Variants in KCNQ1 observed in about 807,000 individuals in gnomAD.
KCNQ1 encodes potassium voltage-gated channel subfamily Q member 1, also known as potassium voltage-gated channel subfamily KQT member 1.
KCNQ1 carries 49 observed loss-of-function variants against 72.4 expected under a neutral mutation model. The observed-to-expected ratio is 0.68, with a 90% CI of 0.54 to 0.86. The LOEUF is 0.86. KCNQ1 is among the 40% of genes least tolerant of loss of function. KCNQ1 has a pLI of 0.00. For synonymous variants in KCNQ1, 450 were observed against 412.6 expected (o/e 1.09, Z -1.10); for missense variants, 790 against 945.1 (o/e 0.84, Z 2.15).
rs1218523753 is a variant in KCNQ1, at chr11:2,677,145, CTG to C, written c.1514+15066_1514+15067del. 1 of 398,472 alleles carries C rather than the reference CTG, an allele frequency of 2.5e-6. No homozygotes were observed. The highest frequency in any genetic ancestry group is 4.4e-6 in the Non-Finnish European group (1 of 226,068). 24.7% of individuals were successfully genotyped at this position (398,472 alleles called of 1,614,324 possible). A position where few individuals can be genotyped will look rare whatever the true frequency, so the allele number is the denominator to read the frequency against. On this transcript the variant is annotated intron_variant, in intron 11 of 15. Transcript: ENST00000155840. The surrounding 1 kb of genome is among the most constrained non-coding windows in gnomAD (Gnocchi z 4.5). The stretch of plus-strand genomic sequence containing the variant: ...CTGAAACATCCCTCCCTATTGAACA[CTG>C]TTGTTTCTCCCTATCCATCTTATCC...
At position 2,682,980 on chromosome 11, in the gene KCNQ1, C is replaced by G. The variant is rs1013467172; in HGVS notation, c.1514+20899C>G. The G allele has an allele frequency of 2.8e-5, 11 of 398,640 alleles. No individual in the cohort carries two copies. In the East Asian group the frequency reaches 3.9e-4, roughly 14 times the overall value. The allele number at this position is 398,640 out of a possible 1,614,324, so 24.7% of individuals were successfully genotyped here. On this transcript the variant is annotated intron_variant, in intron 11 of 15. Transcript: ENST00000155840. The surrounding 1 kb of genome is among the most constrained non-coding windows in gnomAD (Gnocchi z 5.8). ...CCTTCTGCCACCCAGACTGTGCATT[C>G]AGACATCTCCCTTGTGCTGTGCAGC...
chr11:2,847,324 T>C (rs1251666326), intron 15 of KCNQ1, among the ~76,000 whole-genome samples: 2 of 152,220 alleles, frequency 1.3e-5, no homozygotes, highest in African/African-American at 4.8e-5. Context: ...CCAGCCTTTC[T>C]TGACCCTTAA....
chr11:2,618,829 T>C (rs1418683533), intron 10 of KCNQ1: 4 of 398,232 alleles, frequency 1.0e-5, no homozygotes, highest in Non-Finnish European at 1.8e-5. Context: ...TATCTTTCCA[T>C]TTATTTGTAT....
intron 10 of KCNQ1, chr11:2,609,278 CATTG>C (rs1158816211): frequency 5.0e-6 from 2 of 398,124 alleles, no homozygotes; most frequent in East Asian, 3.6e-5. Context: ...TTCTTTCACC[CATTG>C]ATTATTTAAG....
At chr11:2,744,832 A>T (rs117063362) in intron 11 of KCNQ1, among the ~76,000 whole-genome samples, 1,855 of 152,188 alleles carry the variant, frequency 0.012, 74 homozygotes, top group East Asian at 0.1. Flanking sequence ...TTGCATTCGG[A>T]AGAATCCAGA....
At position 2,538,480 on chromosome 11, in the gene KCNQ1, G is replaced by A. The variant is rs1036548659; in HGVS notation, c.477+10462G>A. Among the ~76,000 whole-genome samples, 2 of 152,326 alleles carry A rather than the reference G, an allele frequency of 1.3e-5. No individual in the cohort carries two copies. The highest frequency in any genetic ancestry group is 4.1e-4 in the South Asian group (2 of 4,830). On this transcript the variant is annotated intron_variant, in intron 2 of 15. Coordinates refer to ENST00000155840, the MANE Select transcript of KCNQ1 (RefSeq NM_000218.3). This position sits in a 1 kb window ranked among gnomAD's most constrained non-coding sequence, Gnocchi z 6.7. ...CAGCCAGGTCCCCTGTCCCAGGACC[G>A]CGGTTGACAGGGTTTGGATTGGCTG...
chr11:2,776,612 G>A (rs1027815247), intron 13 of KCNQ1, among the ~76,000 whole-genome samples: 1 of 152,198 alleles, frequency 6.6e-6, no homozygotes, highest in Admixed American at 6.5e-5. Context: ...CCTCCGAGAT[G>A]GGCTCGCCTG....
In KCNQ1 at chr11:2,507,525, T is replaced by TGCTG. The variant is rs1197303495; in HGVS notation, c.387-20401_387-20398dup. The stretch of plus-strand genomic sequence containing the variant: ...CAGCGGGAGGAAGAGAAAAGGATGC[T>TGCTG]GCTGGGACCCCTCGCACCTGGGAGG... On this transcript the variant is annotated intron_variant, in intron 1 of 15. Coordinates refer to ENST00000155840, the MANE Select transcript of KCNQ1 (RefSeq NM_000218.3). The surrounding 1 kb of genome is among the most constrained non-coding windows in gnomAD (Gnocchi z 5.4). Among the ~76,000 whole-genome samples, 5 of 152,334 alleles carry TGCTG rather than the reference T, an allele frequency of 3.3e-5. No individual in the cohort carries two copies. In the East Asian group the frequency reaches 9.6e-4, roughly 29 times the overall value.
rs912137367 is a variant in KCNQ1 at position 2,827,389 on chromosome 11, C to A, written c.1795-20378C>A. ...AGTGCTTCTGTCCTATGGTCCCCAGCGGCTGCTCCTGCATTCACCATCACA... is the reference window on the plus strand; with the variant it reads ...AGTGCTTCTGTCCTATGGTCCCCAGAGGCTGCTCCTGCATTCACCATCACA... On this transcript the variant is annotated intron_variant, in intron 15 of 15. Transcript: ENST00000155840. This position sits in a 1 kb window ranked among gnomAD's most constrained non-coding sequence, Gnocchi z 6.7. Among the ~76,000 whole-genome samples, 3 of 152,146 alleles carry A rather than the reference C, an allele frequency of 2.0e-5. No homozygotes were observed. The highest frequency in any genetic ancestry group is 6.5e-5 in the Admixed American group (1 of 15,274).
chr11:2,588,604 T>C lies in KCNQ1; in HGVS notation c.1252-109T>C, dbSNP rs1848626737. On this transcript the variant is annotated intron_variant, in intron 9 of 15. Transcript: ENST00000155840. The surrounding 1 kb of genome is among the most constrained non-coding windows in gnomAD (Gnocchi z 5.6). ...CAGGCCTCAGGTCCCTGTCCGGGTG[T>C]ATGTGGCGGGGGCTGGGCTCGGGGC... 1 of 1,345,430 alleles carries C rather than the reference T, an allele frequency of 7.4e-7. No homozygotes were observed. The highest frequency in any genetic ancestry group is 2.3e-5 in the East Asian group (1 of 43,150). The allele number at this position is 1,345,430 out of a possible 1,614,324, so 83.3% of individuals were successfully genotyped here.
At chr11:2,521,379 C>T (rs1204370991) in intron 1 of KCNQ1, 15 of 398,022 alleles carry the variant, frequency 3.8e-5, no homozygotes, top group East Asian at 1.5e-4. Context: ...GTGTGTTATC[C>T]GGTGTCCTCA....
At chr11:2,718,561 C>T (rs949416641) in intron 11 of KCNQ1, among the ~76,000 whole-genome samples, 4 of 152,248 alleles carry the variant, frequency 2.6e-5, no homozygotes, top group Admixed American at 2.6e-4. Context: ...GTTCGGGCAT[C>T]TGAGCTAGCT....
chr11:2,655,960 C>T (rs984421794), intron 10 of KCNQ1: 11 of 398,614 alleles, frequency 2.8e-5, no homozygotes, highest in African/African-American at 1.4e-4. Context: ...AGGTGCAGGT[C>T]CCACCCACTC....
rs199472793 is a variant in KCNQ1, at chr11:2,775,966, C to T, written c.1597C>T (p.Arg533Trp). 8 of 1,559,906 alleles carry T rather than the reference C, an allele frequency of 5.1e-6. No individual in the cohort carries two copies. The highest frequency in any genetic ancestry group is 2.4e-5 in the South Asian group (2 of 84,548). Residue 533 changes from arginine (R) to tryptophan (W), a missense_variant, in exon 13 of 16, where the codon CGG becomes TGG. This residue lies in a region of KCNQ1 where 91 missense variants were observed against 139.1 expected (regional missense o/e 0.65). Transcript: ENST00000155840. Reference sequence around the variant, plus strand: ...GTGTCTTTTTGTCCCGCAGCAAGCGCGGAAGCCTTACGATGTGCGGGACGT... The same window carrying T: ...GTGTCTTTTTGTCCCGCAGCAAGCGTGGAAGCCTTACGATGTGCGGGACGT... ...FVAKKKFQQA[R>W]KPYDVRDVIE...
intron 15 of KCNQ1, among the ~76,000 whole-genome samples, chr11:2,820,638 G>T (rs890794883): frequency 1.3e-5 from 2 of 152,174 alleles, no homozygotes; most frequent in East Asian, 3.9e-4. Flanking sequence ...ACAGGCACTA[G>T]GATGGCCAAT....
At position 2,462,081 on chromosome 11, in the gene KCNQ1, G is replaced by A. The variant is rs1846287549; in HGVS notation, c.386+16597G>A. The A allele has an allele frequency of 3.4e-6, 1 of 294,890 alleles. No individual in the cohort carries two copies. Among genetic ancestry groups the A allele is most frequent in the African/African-American group, 2.2e-5 (1 of 46,002 alleles). 18.3% of individuals were successfully genotyped at this position (294,890 alleles called of 1,614,324 possible). A position where few individuals can be genotyped will look rare whatever the true frequency, so the allele number is the denominator to read the frequency against. On this transcript the variant is annotated intron_variant, in intron 1 of 15. Transcript: ENST00000155840. The surrounding 1 kb of genome is among the most constrained non-coding windows in gnomAD (Gnocchi z 8.2). ...CAGAGATGAGACCCAGCCCCACTGT[G>A]TCTTTCTGGGATTCACAAGAATCCT...
At chr11:2,506,883 T>C (rs1254684563) in intron 1 of KCNQ1, among the ~76,000 whole-genome samples, 2 of 152,266 alleles carry the variant, frequency 1.3e-5, no homozygotes, top group Non-Finnish European at 2.9e-5. Context: ...GTAAATCGTC[T>C]GTCTTCTCAT....
chr11:2,502,763 C>A (rs1478820726), intron 1 of KCNQ1, among the ~76,000 whole-genome samples: 1 of 152,170 alleles, frequency 6.6e-6, no homozygotes. Context: ...CTGGAGGGAG[C>A]ACATTACCTG....
At chr11:2,743,609 C>T (rs192507767) in intron 11 of KCNQ1, among the ~76,000 whole-genome samples, 49 of 152,340 alleles carry the variant, frequency 3.2e-4, no homozygotes, top group African/African-American at 1.1e-3. Context: ...GGACTTGCGT[C>T]TCCCCGGAGG....
Sources: allele counts gnomAD v4.1 joint callset (sites outside exome capture counted in the v4.1 genomes callset), GRCh38; gene constraint gnomAD v4.1.1; regional missense constraint gnomAD v4.1.1; non-coding constraint Gnocchi (gnomAD v3.1); transcripts MANE v1.5; gene names NCBI Gene and HGNC (gene_info 2026-07-23, HGNC 2026-07-21).